SLC6A6: variants seen among roughly 807,000 people sequenced by gnomAD.
The protein encoded by SLC6A6 is sodium- and chloride-dependent taurine transporter.
A neutral mutation model predicts 68.8 loss-of-function variants in SLC6A6; 16 were observed. The observed-to-expected ratio is 0.23, with a 90% CI of 0.16 to 0.35. SLC6A6 has a LOEUF of 0.35. SLC6A6 is among the 10% of genes least tolerant of loss of function. SLC6A6 has a pLI of 1.00. For synonymous variants in SLC6A6, 312 were observed against 315.4 expected, an observed-to-expected ratio of 0.99 and a Z score of 0.12; for missense variants, 474 against 802.8, an observed-to-expected ratio of 0.59 and a Z score of 4.95.
Position 14,477,255 on chromosome 3 carries a change from C to T in SLC6A6, c.1260C>T (p.Ser420=). The T allele has an allele frequency of 1.2e-6, 2 of 1,613,574 alleles. No homozygotes were observed. Among genetic ancestry groups the T allele is most frequent in the Non-Finnish European group, 1.7e-6 (2 of 1,179,482 alleles). ...QITSLVDLYP[S]FLRKGYRREI... Reference sequence around the variant, plus strand: ...CATCCTTGGTTGATCTTTACCCATCCTTCCTAAGGAAGGGTTATCGTCGGG... The same window carrying T: ...CATCCTTGGTTGATCTTTACCCATCTTTCCTAAGGAAGGGTTATCGTCGGG... Residue 420 remains serine (S), a synonymous_variant, in exon 11 of 15, where the codon TCC becomes TCT. Coordinates refer to ENST00000622186, the MANE Select transcript of SLC6A6 (RefSeq NM_003043.6). The surrounding 1 kb of genome is among the most constrained non-coding windows in gnomAD (Gnocchi z 4.2).
rs1574967338 is a variant in SLC6A6, at chr3:14,478,387, A to C, written c.1348-79A>C. The C allele has an allele frequency of 8.7e-6, 7 of 804,600 alleles. No individual in the cohort carries two copies. The East Asian group carries it at 1.7e-4, about 20-fold the overall frequency. 49.8% of individuals were successfully genotyped at this position (804,600 alleles called of 1,614,324 possible). A position where few individuals can be genotyped will look rare whatever the true frequency, so the allele number is the denominator to read the frequency against. ...CTCTTGGGTTTTTTTAATCTTATTG[A>C]TATGCCAGAGCTCTTTGTATATGAA... On this transcript the variant is annotated intron_variant, in intron 11 of 14. Transcript: ENST00000622186.
Position 14,443,754 on chromosome 3 carries a change from G to C in SLC6A6, c.120G>C (p.Gln40His). The part of the protein sequence containing the change: ...PEDEAEGKPP[Q>H]REKWSSKIDF... ...ACGAGGCTGAGGGAAAACCTCCGCA[G>C]AGGGAGAAGTGGTCTAGCAAGATCG... Residue 40 changes from glutamine (Q) to histidine (H), a missense_variant, in exon 3 of 15, where the codon CAG (glutamine) becomes CAC (histidine). Gln to His is a conservative substitution (Grantham distance 24). Coordinates refer to ENST00000622186, the MANE Select transcript of SLC6A6 (RefSeq NM_003043.6). 4 of 1,614,200 alleles carry C rather than the reference G, an allele frequency of 2.5e-6. No homozygotes were observed. Among genetic ancestry groups the C allele is most frequent in the Non-Finnish European group, 3.4e-6 (4 of 1,179,996 alleles).
Position 14,477,428 on chromosome 3 carries a change from G to A in SLC6A6, c.1347+86G>A. ...AGTGGAGGCAGCAGCTGGGTGAGAG[G>A]GCCAGGTAGGGGCTTCATCTCCCAG... On this transcript the variant is annotated intron_variant, in intron 11 of 14. Coordinates refer to ENST00000622186, the MANE Select transcript of SLC6A6 (RefSeq NM_003043.6). The surrounding 1 kb of genome is among the most constrained non-coding windows in gnomAD (Gnocchi z 4.2). 7.4e-7 allele frequency: 1 copy of A among 1,345,448 alleles called. No individual in the cohort carries two copies. The highest frequency in any genetic ancestry group is 1.4e-5 in the African/African-American group (1 of 70,052). The allele number at this position is 1,345,448 out of a possible 1,614,324, so 83.3% of individuals were successfully genotyped here.
intron 6 of SLC6A6, among the ~76,000 whole-genome samples, chr3:14,465,580 A>T (rs895699231): frequency 2.0e-5 from 3 of 152,206 alleles, no homozygotes; most frequent in Admixed American, 2.0e-4. Flanking sequence ...TATTACTCTT[A>T]TCTGAATTCT....
At chr3:14,404,091 G>A (rs923678393) in intron 1 of SLC6A6, among the ~76,000 whole-genome samples, 1 of 152,254 alleles carries the variant, frequency 6.6e-6, no homozygotes, top group Admixed American at 6.5e-5. Flanking sequence ...CTGGCGCATG[G>A]CTCCATTTGG....
At chr3:14,464,106 ACGGT>A (rs1262090725) in intron 6 of SLC6A6, among the ~76,000 whole-genome samples, 2 of 152,164 alleles carry the variant, frequency 1.3e-5, no homozygotes, top group Non-Finnish European at 2.9e-5. Context: ...CAGAGCTCCT[ACGGT>A]CCCAGCCCTT....
chr3:14,479,461 G>A (rs1052959782), intron 13 of SLC6A6, among the ~76,000 whole-genome samples: 7 of 152,204 alleles, frequency 4.6e-5, no homozygotes, highest in Non-Finnish European at 7.4e-5. Flanking sequence ...CCTAAAAGAA[G>A]AGGGTGTATC....
In SLC6A6 at chr3:14,406,015, CTG is replaced by C. The variant is rs71985710; in HGVS notation, c.-54+3171_-54+3172del. Among the ~76,000 whole-genome samples the C allele has an allele frequency of 9.3e-3, 1,420 of 152,218 alleles. 11 individuals are homozygous for C. The highest frequency in any genetic ancestry group is 0.029 in the African/African-American group (1,208 of 41,522). ...GACACAGTGTCGGAGTTGCCATTGT[CTG>C]TGGGTGGAGAAACAGGATGGGCTGG... On this transcript the variant is annotated intron_variant, in intron 1 of 14. Coordinates refer to ENST00000622186, the MANE Select transcript of SLC6A6 (RefSeq NM_003043.6).
In SLC6A6 at chr3:14,485,143, T is replaced by G; in HGVS notation, c.*136T>G. The G allele has an allele frequency of 4.8e-6, 3 of 620,186 alleles. No individual in the cohort carries two copies. Among genetic ancestry groups the G allele is most frequent in the Non-Finnish European group, 7.8e-6 (3 of 382,382 alleles). The allele number at this position is 620,186 out of a possible 1,614,324, so 38.4% of individuals were successfully genotyped here. ...GTAATTGTCACAGAAAATGTAATTG[T>G]GGGTATGTGTGCGTGCGTGTGTGTG... On this transcript the variant is annotated 3_prime_UTR_variant, in exon 15 of 15. Transcript: ENST00000622186.
intron 1 of SLC6A6, among the ~76,000 whole-genome samples, chr3:14,408,471 A>G (rs1699159459): frequency 6.6e-6 from 1 of 151,902 alleles, no homozygotes; most frequent in South Asian, 2.1e-4. Flanking sequence ...AGTAGCTGGG[A>G]CTACCGGCAC....
chr3:14,476,477 T>C (rs1354068178), intron 10 of SLC6A6, among the ~76,000 whole-genome samples: 4 of 152,224 alleles, frequency 2.6e-5, no homozygotes, highest in Non-Finnish European at 5.9e-5. Context: ...TCTTTTCCTT[T>C]GGGAGCCCAG....
chr3:14,474,703 C>G lies in SLC6A6; in HGVS notation c.1209+2386C>G, dbSNP rs145738115. Among the ~76,000 whole-genome samples, 392 of 152,368 alleles carry G rather than the reference C, an allele frequency of 2.6e-3. 1 individual carries two copies. The highest frequency in any genetic ancestry group is 9.1e-3 in the African/African-American group (378 of 41,594). ...CACACAGCTAGTGAAGGGCTTGATA[C>G]CAGGTCTGCCTGTCTGCAGAAACTG... On this transcript the variant is annotated intron_variant, in intron 10 of 14. Coordinates refer to ENST00000622186, the MANE Select transcript of SLC6A6 (RefSeq NM_003043.6).
chr3:14,431,722 C>T (rs1323911952), intron 2 of SLC6A6, among the ~76,000 whole-genome samples: 2 of 152,196 alleles, frequency 1.3e-5, no homozygotes, highest in Non-Finnish European at 1.5e-5. Context: ...CCCACCCTGT[C>T]TTGCTAAATC....
chr3:14,405,119 C>T (rs951188583), intron 1 of SLC6A6, among the ~76,000 whole-genome samples: 4 of 152,158 alleles, frequency 2.6e-5, no homozygotes, highest in African/African-American at 2.4e-5. Context: ...CTGATATCCT[C>T]GGGAGTTGAA....
intron 2 of SLC6A6, among the ~76,000 whole-genome samples, chr3:14,418,333 T>C (rs1156509571): frequency 6.6e-6 from 1 of 152,218 alleles, no homozygotes; most frequent in South Asian, 2.1e-4. Context: ...GGCAAGCGTT[T>C]GTTTGTGGCC....
At chr3:14,478,872 T>C in intron 12 of SLC6A6, 1 of 596,548 alleles carries the variant, frequency 1.7e-6, no homozygotes, top group Middle Eastern at 4.5e-4. Context: ...ATTGCACACC[T>C]AGGGTTTGGA....
Position 14,481,334 on chromosome 3 carries a change from T to G in SLC6A6, c.1552-337T>G, listed in dbSNP as rs1701002041. On this transcript the variant is annotated intron_variant, in intron 13 of 14. Transcript: ENST00000622186. The surrounding 1 kb of genome is among the most constrained non-coding windows in gnomAD (Gnocchi z 4.7). The stretch of plus-strand genomic sequence containing the variant: ...GTGACAGAGGAGCTAGAAGGAATTC[T>G]TCAGGGTGGCTGGAGTGTGGACACG... Among the ~76,000 whole-genome samples the G allele has an allele frequency of 6.6e-6, 1 of 152,066 alleles. No homozygotes were observed.
intron 2 of SLC6A6, among the ~76,000 whole-genome samples, chr3:14,420,841 G>A (rs939350376): frequency 3.3e-5 from 5 of 152,218 alleles, no homozygotes; most frequent in African/African-American, 1.2e-4. Flanking sequence ...TTAACCCCTT[G>A]AAAGTGTACA....
intron 12 of SLC6A6, chr3:14,478,784 A>C: frequency 3.3e-6 from 2 of 597,918 alleles, no homozygotes; most frequent in Non-Finnish European, 5.9e-6. Context: ...ACAGTTTCAG[A>C]ACTTGGTTGT....
Sources: allele counts gnomAD v4.1 joint callset (sites outside exome capture counted in the v4.1 genomes callset), GRCh38; gene constraint gnomAD v4.1.1; non-coding constraint Gnocchi (gnomAD v3.1); transcripts MANE v1.5; gene names NCBI Gene and HGNC (gene_info 2026-07-23, HGNC 2026-07-21).